Variants in DSTYK observed in about 807,000 individuals in gnomAD.
DSTYK encodes the protein dual serine/threonine and tyrosine protein kinase.
Under a neutral mutation model 98.7 loss-of-function variants are expected in DSTYK, and 34 were observed. The observed-to-expected ratio is 0.34, with a 90% CI of 0.26 to 0.46. DSTYK has a LOEUF of 0.46. DSTYK is among the 20% of genes least tolerant of loss of function. The probability of loss-of-function intolerance (pLI) is 1.00; values close to 1 mark genes in which losing one functional copy is unlikely to be tolerated. For synonymous variants in DSTYK, 462 were observed against 457.3 expected, an observed-to-expected ratio of 1.01 and a Z score of -0.13; for missense variants, 962 against 1,181.7, an observed-to-expected ratio of 0.81 and a Z score of 2.73.
intron 1 of DSTYK, among the ~76,000 whole-genome samples, chr1:205,194,631 C>T (rs1416996351): frequency 1.3e-5 from 2 of 151,710 alleles, no homozygotes; most frequent in South Asian, 2.1e-4. Flanking sequence ...GACCCTCCCA[C>T]CTCAGCCTCC....
intron 2 of DSTYK, among the ~76,000 whole-genome samples, chr1:205,181,401 CTGGAG>C (rs1407609437): frequency 6.6e-6 from 1 of 152,152 alleles, no homozygotes; most frequent in Non-Finnish European, 1.5e-5. Context: ...GTTGCCCAGG[CTGGAG>C]TGCAGTGGCA....
chr1:205,181,316 T>C (rs560030869), intron 2 of DSTYK, among the ~76,000 whole-genome samples: 5 of 152,130 alleles, frequency 3.3e-5, no homozygotes, highest in Non-Finnish European at 7.4e-5. Flanking sequence ...CAAGAGACAA[T>C]ATGGTATCTA....
rs572194692 is a variant in DSTYK, at chr1:205,160,796, T to C, written c.1948+462A>G. Among the ~76,000 whole-genome samples the C allele has an allele frequency of 4.7e-3, 709 of 152,068 alleles. 5 individuals carry two copies. Among genetic ancestry groups the C allele is most frequent in the Non-Finnish European group, 8.0e-3 (543 of 67,942 alleles). On this transcript the variant is annotated intron_variant, in intron 7 of 12. Coordinates refer to ENST00000367162, the MANE Select transcript of DSTYK (RefSeq NM_015375.3). ...GTTTTTTGTTTTTTGTTGTTTTTTT[T>C]TTTGGAGACAGAGTCTTGCTCTGTC...
chr1:205,193,348 T>C (rs1444717450), intron 1 of DSTYK, among the ~76,000 whole-genome samples: 1 of 152,186 alleles, frequency 6.6e-6, no homozygotes, highest in Non-Finnish European at 1.5e-5. Context: ...TCAATCGATT[T>C]GTAGCAACAC....
chr1:205,178,348 C>T (rs1449599505), intron 2 of DSTYK, among the ~76,000 whole-genome samples: 2 of 151,840 alleles, frequency 1.3e-5, no homozygotes, highest in Non-Finnish European at 2.9e-5. Context: ...TGCATTCTAC[C>T]TAATGGACAG....
chr1:205,169,174 A>G lies in DSTYK; in HGVS notation c.1313T>C (p.Met438Thr). 1 of 1,596,378 alleles carries G rather than the reference A, an allele frequency of 6.3e-7. No homozygotes were observed. Among genetic ancestry groups the G allele is most frequent in the Non-Finnish European group, 8.5e-7 (1 of 1,171,014 alleles). Reference sequence around the variant, plus strand: ...TCTCTGGGACCTACCTTTAAACTCCATGTTAGTAGCATCATCCAGAAGTTC... The same window carrying G: ...TCTCTGGGACCTACCTTTAAACTCCGTGTTAGTAGCATCATCCAGAAGTTC... The part of the protein sequence containing the change: ...KEELLDDATN[M>T]EFKDVIVPEN... The change falls in exon 3 of 13, where the codon ATG (methionine) becomes ACG (threonine). Residue 438 changes from methionine to threonine, a missense_variant. Physicochemically the swap from Met to Thr is moderately conservative, Grantham distance 81 (BLOSUM62 -1). Transcript: ENST00000367162. This position sits in a 1 kb window ranked among gnomAD's most constrained non-coding sequence, Gnocchi z 4.0.
intron 3 of DSTYK, among the ~76,000 whole-genome samples, chr1:205,164,731 G>A (rs903302107): frequency 1.3e-5 from 2 of 152,162 alleles, no homozygotes; most frequent in African/African-American, 4.8e-5. Flanking sequence ...AAAGTGCTGG[G>A]ATTACAGGTG....
At chr1:205,166,905 A>C (rs1657906193) in intron 3 of DSTYK, among the ~76,000 whole-genome samples, 1 of 152,228 alleles carries the variant, frequency 6.6e-6, no homozygotes, top group Non-Finnish European at 1.5e-5. Flanking sequence ...TGTATACAAG[A>C]GTCTGTGTTA....
At chr1:205,184,274 A>T (rs1007432028) in intron 2 of DSTYK, among the ~76,000 whole-genome samples, 3 of 144,536 alleles carry the variant, frequency 2.1e-5, no homozygotes, top group South Asian at 2.1e-4. Flanking sequence ...ATTAGAAATT[A>T]AAAAAAAAAA....
intron 2 of DSTYK, among the ~76,000 whole-genome samples, chr1:205,171,103 T>C (rs936290763): frequency 5.3e-5 from 8 of 152,034 alleles, no homozygotes; most frequent in African/African-American, 1.9e-4. Context: ...GATGATCTGT[T>C]ACAATTGAAC....
Position 205,161,315 on chromosome 1 carries a change from G to C in DSTYK, c.1891C>G (p.Pro631Ala). 1 of 1,614,114 alleles carries C rather than the reference G, an allele frequency of 6.2e-7. No homozygotes were observed. Among genetic ancestry groups the C allele is most frequent in the Non-Finnish European group, 8.5e-7 (1 of 1,180,010 alleles). Reference sequence around the variant, plus strand: ...TCCAGAGAAAGGCGGGCCAGGCGGGGAGCATGATCTTTCCGAACCCTCAGC... The same window carrying C: ...TCCAGAGAAAGGCGGGCCAGGCGGGCAGCATGATCTTTCCGAACCCTCAGC... The part of the protein sequence containing the change: ...LWLRVRKDHA[P>A]RLARLSLESC... The change falls in exon 7 of 13, where the codon CCC (proline) becomes GCC (alanine). Residue 631 changes from proline (P) to alanine (A), a missense_variant. Coordinates refer to ENST00000367162, the MANE Select transcript of DSTYK (RefSeq NM_015375.3).
intron 10 of DSTYK, among the ~76,000 whole-genome samples, chr1:205,153,087 G>A (rs1657450584): frequency 6.6e-6 from 1 of 152,174 alleles, no homozygotes; most frequent in South Asian, 2.1e-4. Context: ...TAAAGTCCCT[G>A]TAGTTTCCTT....
At chr1:205,199,889 A>C (rs1226331407) in intron 1 of DSTYK, among the ~76,000 whole-genome samples, 1 of 152,196 alleles carries the variant, frequency 6.6e-6, no homozygotes, top group Non-Finnish European at 1.5e-5. Context: ...ACTTCTAAGA[A>C]AGACAGAAAT....
At chr1:205,172,025 G>A (rs981659503) in intron 2 of DSTYK, among the ~76,000 whole-genome samples, 7 of 152,132 alleles carry the variant, frequency 4.6e-5, no homozygotes, top group Admixed American at 1.3e-4. Flanking sequence ...GCACGAGCTC[G>A]GCTCACTGCA....
intron 1 of DSTYK, among the ~76,000 whole-genome samples, chr1:205,206,844 A>T (rs1324234153): frequency 2.0e-5 from 3 of 152,164 alleles, no homozygotes; most frequent in Non-Finnish European, 2.9e-5. Context: ...CTGGGATTAC[A>T]GGCATGAGCC....
chr1:205,169,145 A>T lies in DSTYK; in HGVS notation c.1324+18T>A. On this transcript the variant is annotated intron_variant, in intron 3 of 12. Transcript: ENST00000367162. This position sits in a 1 kb window ranked among gnomAD's most constrained non-coding sequence, Gnocchi z 4.0. The stretch of plus-strand genomic sequence containing the variant: ...ACTCCTCCCGTGCCAGCACCCCAAC[A>T]AGCTCTCTGGGACCTACCTTTAAAC... The T allele has an allele frequency of 2.6e-6, 4 of 1,554,554 alleles. No individual in the cohort carries two copies. The highest frequency in any genetic ancestry group is 3.5e-6 in the Non-Finnish European group (4 of 1,151,728).
At chr1:205,154,640 G>T (rs1220599178) in intron 10 of DSTYK, among the ~76,000 whole-genome samples, 1 of 152,186 alleles carries the variant, frequency 6.6e-6, no homozygotes, top group South Asian at 2.1e-4. Flanking sequence ...GGCTGCTGCT[G>T]TAAGGATACA....
rs751100242 is a variant in DSTYK, at chr1:205,155,443, C to T, written c.2352+1830G>A. ...CAGCACTTTGGGAGGCCGAGGTGGG[C>T]GGATCACTTGAGGTCTGGAGTTGGA... On this transcript the variant is annotated intron_variant, in intron 10 of 12. Coordinates refer to ENST00000367162, the MANE Select transcript of DSTYK (RefSeq NM_015375.3). 3.0e-4 allele frequency among the ~76,000 whole-genome samples: 46 copies of T among 151,770 alleles called. No homozygotes were observed. The East Asian group carries it at 7.5e-3, about 25-fold the overall frequency.
At chr1:205,184,013 C>A (rs980977687) in intron 2 of DSTYK, among the ~76,000 whole-genome samples, 2 of 152,100 alleles carry the variant, frequency 1.3e-5, no homozygotes, top group African/African-American at 4.8e-5. Flanking sequence ...GAGAATTCCT[C>A]AAGAAAAGAG....
Sources: allele counts gnomAD v4.1 joint callset (sites outside exome capture counted in the v4.1 genomes callset), GRCh38; gene constraint gnomAD v4.1.1; non-coding constraint Gnocchi (gnomAD v3.1); transcripts MANE v1.5; gene names NCBI Gene and HGNC (gene_info 2026-07-23, HGNC 2026-07-21).